Variants in PCDH7 observed in about 807,000 individuals in gnomAD.
PCDH7 encodes the protein protocadherin 7, also known as protocadherin-7.
A neutral mutation model predicts 58.9 loss-of-function variants in PCDH7; 17 were observed. The observed-to-expected ratio is 0.29, with a 90% CI of 0.20 to 0.43. The LOEUF (loss-of-function observed/expected upper bound fraction) is 0.43, where lower values mean the gene tolerates loss of function less well. Ranked by LOEUF, PCDH7 falls within the 20% of genes least tolerant of loss-of-function variation. PCDH7 has a pLI of 1.00. For missense variants in PCDH7, 1,274 were observed against 1,441.0 expected, an observed-to-expected ratio of 0.88 and a Z score of 1.88; for synonymous variants, 664 against 616.4, an observed-to-expected ratio of 1.08 and a Z score of -1.14.
chr4:31,029,536 T>C (rs77554824), intron 3 of PCDH7, among the ~76,000 whole-genome samples: 1 of 152,202 alleles, frequency 6.6e-6, no homozygotes, highest in Non-Finnish European at 1.5e-5. Flanking sequence ...TCCTGGGAAA[T>C]AGCGGTGCTA....
chr4:31,052,259 T>C (rs1405690571), intron 3 of PCDH7, among the ~76,000 whole-genome samples: 1 of 152,132 alleles, frequency 6.6e-6, no homozygotes, highest in African/African-American at 2.4e-5. Flanking sequence ...TGCCAGTGTT[T>C]TGAGTCTTTG....
chr4:30,733,063 C>T (rs1715746029), downstream of PCDH7: 1 of 152,436 alleles, frequency 6.6e-6, no homozygotes, highest in South Asian at 2.1e-4. Flanking sequence ...AGCTATTCCT[C>T]ACCCAGCTGT....
At chr4:30,813,342 C>A (rs1727245977) in intron 1 of PCDH7, among the ~76,000 whole-genome samples, 1 of 152,138 alleles carries the variant, frequency 6.6e-6, no homozygotes. Context: ...GTATGTTACT[C>A]ACTGAGTGAT....
At chr4:30,904,282 G>A (rs1740618371) in intron 1 of PCDH7, among the ~76,000 whole-genome samples, 1 of 152,032 alleles carries the variant, frequency 6.6e-6, no homozygotes, top group Non-Finnish European at 1.5e-5. Context: ...AAAATCAAGG[G>A]GGCTGGCAAA....
chr4:31,002,334 C>T (rs960196799), intron 3 of PCDH7, among the ~76,000 whole-genome samples: 1 of 152,222 alleles, frequency 6.6e-6, no homozygotes. Flanking sequence ...CTCATTGTTC[C>T]TATTTGCAGC....
At chr4:30,968,315 T>C (rs79294522) in intron 3 of PCDH7, among the ~76,000 whole-genome samples, 2 of 43,890 alleles carry the variant, frequency 4.6e-5, no homozygotes, top group South Asian at 8.6e-4. Flanking sequence ...TATATATATA[T>C]ACACTATATA....
chr4:30,827,921 G>T (rs1729304456), intron 1 of PCDH7, among the ~76,000 whole-genome samples: 1 of 152,146 alleles, frequency 6.6e-6, no homozygotes, highest in Non-Finnish European at 1.5e-5. Context: ...CTTAGGTTTT[G>T]TAGTTACACT....
chr4:30,894,540 CACACACACACACACACACAT>C, intron 1 of PCDH7, among the ~76,000 whole-genome samples: 1 of 110,854 alleles, frequency 9.0e-6, no homozygotes, highest in African/African-American at 3.5e-5. Context: ...CACACACACA[CACACACACACACACACACAT>C]ATATACATAT....
At chr4:31,011,807 A>G (rs1220069837) in intron 3 of PCDH7, among the ~76,000 whole-genome samples, 1 of 152,078 alleles carries the variant, frequency 6.6e-6, no homozygotes, top group African/African-American at 2.4e-5. Context: ...GACAAATTAC[A>G]TATGGAAAAA....
At chr4:31,029,779 T>C (rs2109183875) in intron 3 of PCDH7, among the ~76,000 whole-genome samples, 1 of 152,276 alleles carries the variant, frequency 6.6e-6, no homozygotes, top group South Asian at 2.1e-4. Context: ...ACTGTAGATC[T>C]GGTATGAAGC....
chr4:31,136,685 G>T (rs886193447), intron 3 of PCDH7, among the ~76,000 whole-genome samples: 1 of 152,104 alleles, frequency 6.6e-6, no homozygotes, highest in East Asian at 1.9e-4. Flanking sequence ...CAAACTGCTG[G>T]TCTGAGTCAG....
At chr4:30,930,684 C>T (rs1744463535) in intron 2 of PCDH7, among the ~76,000 whole-genome samples, 1 of 152,102 alleles carries the variant, frequency 6.6e-6, no homozygotes. Flanking sequence ...GTAATTGCAG[C>T]ACTTTGAGAG....
chr4:30,890,239 C>T (rs911828282), intron 1 of PCDH7, among the ~76,000 whole-genome samples: 1 of 151,960 alleles, frequency 6.6e-6, no homozygotes, highest in Non-Finnish European at 1.5e-5. Context: ...ACTGTCAAAG[C>T]GAACTGTAAT....
intron 1 of PCDH7, among the ~76,000 whole-genome samples, chr4:30,830,321 A>T (rs914122760): frequency 1.3e-5 from 2 of 152,132 alleles, no homozygotes; most frequent in African/African-American, 4.8e-5. Context: ...CATCACATAC[A>T]TCTATACATC....
At chr4:31,111,010 A>T (rs1292244409) in intron 3 of PCDH7, among the ~76,000 whole-genome samples, 1 of 152,154 alleles carries the variant, frequency 6.6e-6, no homozygotes, top group African/African-American at 2.4e-5. Flanking sequence ...ACATGTTTCA[A>T]GTTATTAAAT....
intron 3 of PCDH7, among the ~76,000 whole-genome samples, chr4:31,130,857 C>G (rs1399243487): frequency 6.6e-6 from 1 of 152,152 alleles, no homozygotes; most frequent in African/African-American, 2.4e-5. Context: ...TAAAAAATGG[C>G]TGAGTCAGGT....
At chr4:30,800,315 T>G (rs1372308948) in intron 1 of PCDH7, among the ~76,000 whole-genome samples, 1 of 152,148 alleles carries the variant, frequency 6.6e-6, no homozygotes, top group African/African-American at 2.4e-5. Flanking sequence ...AACACATATA[T>G]ATACACATAC....
chr4:30,851,181 T>TG (rs1174526191), intron 1 of PCDH7, among the ~76,000 whole-genome samples: 1 of 151,914 alleles, frequency 6.6e-6, no homozygotes. Context: ...TGTATACACA[T>TG]GCATTTGTGT....
At chr4:31,106,185 T>G (rs924011480) in intron 3 of PCDH7, among the ~76,000 whole-genome samples, 2 of 152,148 alleles carry the variant, frequency 1.3e-5, no homozygotes, top group African/African-American at 4.8e-5. Flanking sequence ...CAGTTCTGAT[T>G]CCTTTTCAAA....
Sources: gnomAD v4.1 joint callset for allele counts (sites outside exome capture counted in the v4.1 genomes callset) on GRCh38, gnomAD v4.1.1 for gene constraint, MANE v1.5 for transcripts, NCBI Gene and HGNC (gene_info 2026-07-23, HGNC 2026-07-21) for gene names.